The following NFYC variants were observed in gnomAD, a reference collection of about 807,000 sequenced individuals.
NFYC encodes the protein nuclear transcription factor Y subunit gamma.
In NFYC, 25 loss-of-function variants were observed where a neutral mutation model predicts 53.1. That is an observed-to-expected ratio of 0.47 (90% CI 0.34 to 0.66). The LOEUF (loss-of-function observed/expected upper bound fraction) is 0.66. Ranked by LOEUF, NFYC falls within the 30% of genes least tolerant of loss-of-function variation. The pLI, the probability that NFYC is intolerant of heterozygous loss-of-function variation, is 0.01. For synonymous variants in NFYC, 145 were observed against 152.6 expected, an observed-to-expected ratio of 0.95 and a Z score of 0.37; for missense variants, 260 against 422.7, an observed-to-expected ratio of 0.62 and a Z score of 3.38.
At chr1:40,704,426 T>C (rs1282102642) in intron 1 of NFYC, among the ~76,000 whole-genome samples, 1 of 152,160 alleles carries the variant, frequency 6.6e-6, no homozygotes, top group Non-Finnish European at 1.5e-5. Context: ...AGAGGGCTGC[T>C]GAGATCCAGG....
intron 1 of NFYC, among the ~76,000 whole-genome samples, chr1:40,706,935 C>T (rs1237211928): frequency 3.3e-5 from 5 of 151,702 alleles, no homozygotes; most frequent in Non-Finnish European, 4.4e-5. Flanking sequence ...TTTGGGAGAC[C>T]GAGGTGGGTA....
At chr1:40,749,211 ATTCTCC>A (rs1645777088) in intron 3 of NFYC, among the ~76,000 whole-genome samples, 1 of 152,162 alleles carries the variant, frequency 6.6e-6, no homozygotes, top group Non-Finnish European at 1.5e-5. Context: ...TTTCAAGCTC[ATTCTCC>A]TTCCTCATAT....
At position 40,703,335 on chromosome 1, in the gene NFYC, A is replaced by T. The variant is rs186992423; in HGVS notation, c.-9+11468A>T. On this transcript the variant is annotated intron_variant, in intron 1 of 9. Transcript: ENST00000447388. ...GGAGACCCTGTCTCTACAAAAAAAA[A>T]TTAAAAATTAGCTGGGTGTGGTAGC... 5.9e-4 allele frequency among the ~76,000 whole-genome samples: 89 copies of T among 151,478 alleles called. 2 individuals are homozygous for T. In the East Asian group the frequency reaches 0.011, roughly 18 times the overall value.
At chr1:40,765,180 G>A (rs1309893818) in intron 7 of NFYC, among the ~76,000 whole-genome samples, 1 of 152,188 alleles carries the variant, frequency 6.6e-6, no homozygotes, top group South Asian at 2.1e-4. Flanking sequence ...TAGGATTTAG[G>A]TGGGGAATTC....
chr1:40,736,954 C>T (rs563211236), intron 1 of NFYC, among the ~76,000 whole-genome samples: 2 of 151,752 alleles, frequency 1.3e-5, no homozygotes, highest in South Asian at 2.1e-4. Flanking sequence ...GGCGAAACCC[C>T]ATCTTTACTA....
At chr1:40,757,258 A>AT (rs759851740) in intron 5 of NFYC, 19 of 498,342 alleles carry the variant, frequency 3.8e-5, no homozygotes, top group Non-Finnish European at 8.1e-5. Flanking sequence ...TCAGGGGCTG[A>AT]TCAACCCTGG....
At chr1:40,707,835 G>A (rs1445673766) in intron 1 of NFYC, among the ~76,000 whole-genome samples, 1 of 138,826 alleles carries the variant, frequency 7.2e-6, no homozygotes, top group East Asian at 2.1e-4. Flanking sequence ...CGGTGACAGA[G>A]CCAGACCCTA....
chr1:40,747,346 C>T (rs1319084141), intron 2 of NFYC, among the ~76,000 whole-genome samples, 188 bp from the exon 3 acceptor site: 1 of 151,640 alleles, frequency 6.6e-6, no homozygotes, highest in African/African-American at 2.4e-5. Flanking sequence ...CTTTGAAGAC[C>T]TGCATATGTT....
chr1:40,707,769 G>T (rs1030366373), intron 1 of NFYC, among the ~76,000 whole-genome samples: 5 of 150,502 alleles, frequency 3.3e-5, no homozygotes, highest in Admixed American at 1.3e-4. Flanking sequence ...AGCCCAGGAG[G>T]CGGAGGCTGC....
At chr1:40,754,450 T>G (rs778856013) in intron 5 of NFYC, 1 of 533,436 alleles carries the variant, frequency 1.9e-6, no homozygotes, top group African/African-American at 1.9e-5. Flanking sequence ...GCTGCCACGG[T>G]CGTCCCCAGC....
intron 1 of NFYC, among the ~76,000 whole-genome samples, chr1:40,716,645 C>A (rs1644146552): frequency 6.6e-6 from 1 of 151,820 alleles, no homozygotes; most frequent in Non-Finnish European, 1.5e-5. Context: ...GGTTCACAAC[C>A]CTTATAGGAT....
At chr1:40,753,330 C>G in intron 5 of NFYC, 84 bp downstream of exon 5, 1 of 879,922 alleles carries the variant, frequency 1.1e-6, no homozygotes, top group East Asian at 2.5e-5. Context: ...TCTCTCAGCA[C>G]AAGTCATTTG....
At chr1:40,703,766 C>T (rs577028875) in intron 1 of NFYC, among the ~76,000 whole-genome samples, 6 of 152,170 alleles carry the variant, frequency 3.9e-5, no homozygotes, top group African/African-American at 1.4e-4. Context: ...GTTATGTGTA[C>T]CTGCTGTATA....
chr1:40,702,632 G>A (rs1247062699), intron 1 of NFYC, among the ~76,000 whole-genome samples: 4 of 151,250 alleles, frequency 2.6e-5, no homozygotes, highest in Admixed American at 1.3e-4. Flanking sequence ...GTGAACCACC[G>A]CACCCGGCCT....
chr1:40,752,771 ATAT>A (rs1478860081), intron 4 of NFYC, among the ~76,000 whole-genome samples: 1 of 152,016 alleles, frequency 6.6e-6, no homozygotes, highest in Non-Finnish European at 1.5e-5. Context: ...CAAAGGGAAA[ATAT>A]TATTTAGGGC....
intron 1 of NFYC, among the ~76,000 whole-genome samples, chr1:40,734,340 CTTTA>C (rs34100786): frequency 0.52 from 76,432 of 146,494 alleles, 21,762 homozygotes; most frequent in East Asian, 0.79. Context: ...ACTACGGTTG[CTTTA>C]TTTATTTATT....
intron 8 of NFYC, chr1:40,766,986 C>A: frequency 6.4e-7 from 1 of 1,551,292 alleles, no homozygotes; most frequent in Non-Finnish European, 8.7e-7. Context: ...TGTGCACACC[C>A]ATCAGACCTG....
chr1:40,712,533 T>G (rs1431216578), intron 1 of NFYC: 1 of 138,898 alleles, frequency 7.2e-6, no homozygotes, highest in African/African-American at 2.8e-5. Context: ...GTATACCAAA[T>G]ATTTATAAAG....
At position 40,694,278 on chromosome 1, in the gene NFYC, G is replaced by A. The variant is rs78725158; in HGVS notation, c.-9+2411G>A. ...CTGTGGGATATTGATTCTAGGATATGCTTATCCTGAACAATGTGTAAAATT... is the reference window on the plus strand; with the variant it reads ...CTGTGGGATATTGATTCTAGGATATACTTATCCTGAACAATGTGTAAAATT... On this transcript the variant is annotated intron_variant, in intron 1 of 9. Transcript: ENST00000447388. 7.7e-4 allele frequency among the ~76,000 whole-genome samples: 117 copies of A among 152,322 alleles called. 1 individual carries two copies. In the East Asian group the frequency reaches 0.021, roughly 27 times the overall value.
Sources: gnomAD v4.1 joint callset for allele counts (sites outside exome capture counted in the v4.1 genomes callset) on GRCh38, gnomAD v4.1.1 for gene constraint, MANE v1.5 for transcripts, NCBI Gene and HGNC (gene_info 2026-07-23, HGNC 2026-07-21) for gene names.